ERC2: variants seen among roughly 807,000 people sequenced by gnomAD.
ERC2 encodes ELKS/RAB6-interacting/CAST family member 2.
ERC2 carries 42 observed loss-of-function variants against 114.8 expected under a neutral mutation model. The observed-to-expected ratio is 0.37, with a 90% CI of 0.29 to 0.47. The LOEUF (loss-of-function observed/expected upper bound fraction) is 0.47. Among genes scored for constraint, ERC2 ranks in the 20% least tolerant of loss-of-function variants. ERC2 has a pLI of 0.99. For missense variants in ERC2, 939 were observed against 1,150.7 expected (o/e 0.82, Z 2.66); for synonymous variants, 454 against 425.5 (o/e 1.07, Z -0.82).
intron 7 of ERC2, among the ~76,000 whole-genome samples, chr3:56,045,904 T>C (rs1263768968): frequency 1.3e-5 from 2 of 152,100 alleles, no homozygotes; most frequent in African/African-American, 2.4e-5. Flanking sequence ...ATCACACACC[T>C]GCAAAAAATA....
intron 7 of ERC2, among the ~76,000 whole-genome samples, chr3:56,070,041 A>T (rs1224745825): frequency 6.6e-6 from 1 of 152,224 alleles, no homozygotes; most frequent in Non-Finnish European, 1.5e-5. Context: ...TTACATTTAT[A>T]CTTATGGGAA....
At chr3:56,190,473 G>T (rs937930952) in intron 3 of ERC2, among the ~76,000 whole-genome samples, 2 of 152,138 alleles carry the variant, frequency 1.3e-5, no homozygotes, top group African/African-American at 4.8e-5. Context: ...TCACTCTGTT[G>T]CCCAGGCTAG....
chr3:56,343,188 T>TCACACACACACACACACA lies in ERC2; in HGVS notation c.658-46754_658-46753insTGTGTGTGTGTGTGTGTG, dbSNP rs1247948473. 1.5e-3 allele frequency among the ~76,000 whole-genome samples: 48 copies of TCACACACACACACACACA among 31,450 alleles called. 1 individual carries two copies. The highest frequency in any genetic ancestry group is 0.013 in the East Asian group (25 of 1,866). 20.6% of individuals were successfully genotyped at this position (31,450 alleles called of 152,430 possible). ...CTCTTTCTCTCTCTCTCTCTCTCTCTCTCTCACACACACACACACACAAAC... is the reference window on the plus strand; with the variant it reads ...CTCTTTCTCTCTCTCTCTCTCTCTCTCACACACACACACACACACTCTCACACACACACACACACAAAC... On this transcript the variant is annotated intron_variant, in intron 2 of 17. Transcript: ENST00000288221.
At chr3:55,832,728 C>T (rs2060663496) in intron 14 of ERC2, among the ~76,000 whole-genome samples, 1 of 152,206 alleles carries the variant, frequency 6.6e-6, no homozygotes, top group Non-Finnish European at 1.5e-5. Flanking sequence ...AACGCAGTTC[C>T]TCACCAGCAA....
intron 2 of ERC2, among the ~76,000 whole-genome samples, chr3:56,340,881 G>A (rs928909018): frequency 1.3e-5 from 2 of 152,000 alleles, no homozygotes; most frequent in South Asian, 4.1e-4. Context: ...AGTAAAAGGA[G>A]AAAGACCTCC....
At chr3:55,995,002 C>T (rs762767530) in intron 10 of ERC2, among the ~76,000 whole-genome samples, 1 of 152,162 alleles carries the variant, frequency 6.6e-6, no homozygotes, top group African/African-American at 2.4e-5. Context: ...CTATTATTAA[C>T]AGAACACACT....
chr3:55,510,156 T>C lies in ERC2; in HGVS notation c.*1160A>G, dbSNP rs974301512. The stretch of plus-strand genomic sequence containing the variant: ...AATGACTGTATCCACATACATGTTG[T>C]GTAGAGCTATATACAGAGACACAGC... On this transcript the variant is annotated 3_prime_UTR_variant, in exon 18 of 18. Coordinates refer to ENST00000288221, the MANE Select transcript of ERC2 (RefSeq NM_015576.3). The C allele has an allele frequency of 1.3e-5, 2 of 152,616 alleles. No individual in the cohort carries two copies. Among genetic ancestry groups the C allele is most frequent in the Non-Finnish European group, 2.9e-5 (2 of 68,048 alleles). The allele number at this position is 152,616 out of a possible 1,614,324, so 9.5% of individuals were successfully genotyped here.
intron 2 of ERC2, among the ~76,000 whole-genome samples, chr3:56,375,595 T>C (rs2059509823): frequency 6.6e-6 from 1 of 152,158 alleles, no homozygotes; most frequent in African/African-American, 2.4e-5. Context: ...AATCCAATAG[T>C]AATAATAAAG....
intron 6 of ERC2, among the ~76,000 whole-genome samples, chr3:56,115,569 C>T (rs1254203751): frequency 6.6e-6 from 1 of 152,108 alleles, no homozygotes; most frequent in Admixed American, 6.5e-5. Flanking sequence ...GGATGAAAAC[C>T]AAATATAAAT....
At chr3:56,175,150 C>T (rs139226321) in intron 3 of ERC2, among the ~76,000 whole-genome samples, 33 of 152,202 alleles carry the variant, frequency 2.2e-4, no homozygotes, top group African/African-American at 7.5e-4. Context: ...ACAGGTGGAC[C>T]ATAGGGCACA....
At chr3:56,438,030 T>G (rs1015930088) in intron 1 of ERC2, among the ~76,000 whole-genome samples, 3 of 152,252 alleles carry the variant, frequency 2.0e-5, no homozygotes, top group Non-Finnish European at 4.4e-5. Context: ...TTTATTTGCA[T>G]ACTCTAAATT....
intron 17 of ERC2, among the ~76,000 whole-genome samples, chr3:55,571,659 G>A (rs2056721951): frequency 6.6e-6 from 1 of 152,188 alleles, no homozygotes; most frequent in South Asian, 2.1e-4. Flanking sequence ...TGACCAAACA[G>A]AATAGTCAAA....
At chr3:56,198,976 A>C (rs947230934) in intron 3 of ERC2, among the ~76,000 whole-genome samples, 1 of 152,198 alleles carries the variant, frequency 6.6e-6, no homozygotes, top group African/African-American at 2.4e-5. Flanking sequence ...TGCCTAGGTG[A>C]CCCTGGATTA....
intron 17 of ERC2, among the ~76,000 whole-genome samples, chr3:55,614,744 TATC>T (rs1197389989): frequency 2.0e-5 from 3 of 152,212 alleles, no homozygotes; most frequent in Non-Finnish European, 2.9e-5. Context: ...GCTCCAGTAT[TATC>T]ATCCTCATTT....
At chr3:56,182,844 T>C (rs2083359957) in intron 3 of ERC2, among the ~76,000 whole-genome samples, 1 of 152,196 alleles carries the variant, frequency 6.6e-6, no homozygotes, top group Non-Finnish European at 1.5e-5. Context: ...CATTCTTTTC[T>C]TCAGTATTTG....
At chr3:56,065,445 T>C (rs4974164) in intron 7 of ERC2, among the ~76,000 whole-genome samples, 148,834 of 151,954 alleles carry the variant, frequency 0.98, 72,894 homozygotes, top group East Asian at 1. Flanking sequence ...TGCTCTCAAA[T>C]TCCTGGGCTC....
At chr3:55,669,695 AT>A (rs935734552) in intron 17 of ERC2, among the ~76,000 whole-genome samples, 4 of 152,142 alleles carry the variant, frequency 2.6e-5, no homozygotes, top group Non-Finnish European at 5.9e-5. Context: ...GCAGGCATAT[AT>A]TTTTTATTGG....
intron 1 of ERC2, among the ~76,000 whole-genome samples, chr3:56,455,276 AC>A (rs149234944): frequency 0.011 from 1,739 of 152,240 alleles, 33 homozygotes; most frequent in African/African-American, 0.039. Flanking sequence ...AGAAAAAAAA[AC>A]AACTGACATG....
At chr3:55,561,158 A>AG (rs2055991595) in intron 17 of ERC2, among the ~76,000 whole-genome samples, 1 of 151,742 alleles carries the variant, frequency 6.6e-6, no homozygotes, top group Non-Finnish European at 1.5e-5. Flanking sequence ...TTTTCTTTAA[A>AG]AAAAAAAAAA....
Sources: allele counts gnomAD v4.1 joint callset (sites outside exome capture counted in the v4.1 genomes callset), GRCh38; gene constraint gnomAD v4.1.1; transcripts MANE v1.5; gene names NCBI Gene and HGNC (gene_info 2026-07-23, HGNC 2026-07-21).